The following HEATR4 variants were observed in gnomAD, a reference collection of about 807,000 sequenced individuals.
The protein encoded by HEATR4 is HEAT repeat containing 4.
Under a neutral mutation model 108.8 loss-of-function variants are expected in HEATR4, and 95 were observed. The ratio of observed to expected loss-of-function variants is 0.87; its 90% confidence interval spans 0.74 to 1.04. The LOEUF (loss-of-function observed/expected upper bound fraction) is 1.04, where lower values mean the gene tolerates loss of function less well. Among genes scored for constraint, HEATR4 ranks in the 50% least tolerant of loss-of-function variants. HEATR4 has a pLI of 0.00. For synonymous variants in HEATR4, 443 were observed against 459.4 expected, an observed-to-expected ratio of 0.96 and a Z score of 0.46; for missense variants, 1,152 against 1,253.8, an observed-to-expected ratio of 0.92 and a Z score of 1.23.
chr14:73,564,626 TAAAC>T, the HEATR4 span, among the ~76,000 whole-genome samples: 15 of 149,052 alleles, frequency 1.0e-4, no homozygotes, highest in South Asian at 2.2e-4. Context: ...AACAAACAAA[TAAAC>T]AAATACTATG....
intron 1 of HEATR4, among the ~76,000 whole-genome samples, chr14:73,558,524 T>G (rs1380363671): frequency 7.3e-6 from 1 of 137,812 alleles, no homozygotes; most frequent in Non-Finnish European, 1.6e-5. Context: ...TTTTTTTTTT[T>G]TTTTTTTTTT....
intron 17 of HEATR4, among the ~76,000 whole-genome samples, chr14:73,487,891 A>G (rs1323584519): frequency 6.6e-6 from 1 of 152,214 alleles, no homozygotes; most frequent in Non-Finnish European, 1.5e-5. Context: ...GAGAAAACAT[A>G]TAAAGGATGA....
At chr14:73,497,882 TC>T (rs1444073433) in intron 14 of HEATR4, among the ~76,000 whole-genome samples, 3 of 152,284 alleles carry the variant, frequency 2.0e-5, no homozygotes, top group Admixed American at 1.3e-4. Flanking sequence ...TGCCTCAGCC[TC>T]CCAAAGTGCT....
At chr14:73,553,591 C>T (rs1397542090) in intron 1 of HEATR4, among the ~76,000 whole-genome samples, 1 of 114,016 alleles carries the variant, frequency 8.8e-6, no homozygotes, top group Non-Finnish European at 1.9e-5. Context: ...GGAGGATACA[C>T]TTGAAGGGAA....
intron 11 of HEATR4, 120 bp downstream of exon 11, chr14:73,502,775 C>T (rs1886552688): frequency 1.4e-6 from 1 of 736,446 alleles, no homozygotes; most frequent in East Asian, 2.5e-5. Context: ...TCTCGATCTC[C>T]TGACCTCGTG....
In HEATR4 at chr14:73,499,079, G is replaced by A. The variant is rs1478430297; in HGVS notation, c.2348C>T (p.Ala783Val). ...CACTACTTCTATAATACCTCGAATG[G>A]CAAAGGCCTTGATTTTCCAGTAAGG... Reference protein sequence around the residue: ...RDPYWKIKAFAIRALGQIGQV... With the variant: ...RDPYWKIKAFVIRALGQIGQV... Residue 783 changes from alanine to valine, a missense_variant, in exon 13 of 18, where the codon GCC becomes GTC. Transcript: ENST00000553558. 6.2e-7 allele frequency: 1 copy of A among 1,613,840 alleles called. No homozygotes were observed. The highest frequency in any genetic ancestry group is 8.5e-7 in the Non-Finnish European group (1 of 1,179,850).
the HEATR4 span, chr14:73,619,735 C>G: frequency 6.2e-7 from 1 of 1,614,058 alleles, no homozygotes; most frequent in Non-Finnish European, 8.5e-7. Context: ...TGGAGGTGAG[C>G]CAAAGGCTCA....
At chr14:73,512,658 C>T (rs1158355009) in intron 6 of HEATR4, among the ~76,000 whole-genome samples, 1 of 152,174 alleles carries the variant, frequency 6.6e-6, no homozygotes, top group African/African-American at 2.4e-5. Context: ...AATGAAGGTT[C>T]AATAAATGTT....
the HEATR4 span, among the ~76,000 whole-genome samples, chr14:73,591,481 G>A: frequency 3.3e-5 from 5 of 151,942 alleles, no homozygotes; most frequent in Non-Finnish European, 5.9e-5. Flanking sequence ...AGGAGGCGGA[G>A]ATTGCAGTGA....
the HEATR4 span, among the ~76,000 whole-genome samples, chr14:73,597,718 C>T: frequency 7.9e-5 from 12 of 151,252 alleles, no homozygotes; most frequent in East Asian, 2.2e-3. Context: ...CTCAGCCTCT[C>T]GAGTAGCTGG....
upstream of HEATR4, among the ~76,000 whole-genome samples, chr14:73,560,579 A>G (rs1455700753): frequency 2.0e-5 from 3 of 150,930 alleles, no homozygotes; most frequent in Non-Finnish European, 4.4e-5. Context: ...GGAGAATGGC[A>G]TGAACCCGGG....
the HEATR4 span, among the ~76,000 whole-genome samples, chr14:73,626,205 G>A: frequency 2.6e-5 from 4 of 152,150 alleles, no homozygotes; most frequent in Non-Finnish European, 4.4e-5. Flanking sequence ...GGCCACATTG[G>A]AAGAAGAAGA....
At chr14:73,608,494 T>G in the HEATR4 span, among the ~76,000 whole-genome samples, 764 of 152,320 alleles carry the variant, frequency 5.0e-3, 6 homozygotes, top group African/African-American at 0.018. Flanking sequence ...CATATCACTA[T>G]CAGCATTTTG....
chr14:73,608,028 G>A, the HEATR4 span, among the ~76,000 whole-genome samples: 26,514 of 150,708 alleles, frequency 0.18, 3,923 homozygotes, highest in African/African-American at 0.4. Context: ...GGGTTCAAGC[G>A]ATTCGCCTGC....
the HEATR4 span, among the ~76,000 whole-genome samples, chr14:73,600,427 C>CTGG: frequency 6.6e-5 from 10 of 152,080 alleles, no homozygotes; most frequent in Non-Finnish European, 1.5e-4. Flanking sequence ...CATAGTGGAA[C>CTGG]TGGAATTATT....
chr14:73,506,945 C>T (rs1005344994), intron 9 of HEATR4, among the ~76,000 whole-genome samples: 15 of 151,442 alleles, frequency 9.9e-5, no homozygotes, highest in Admixed American at 6.6e-4. Context: ...GGATTACAGG[C>T]GCCTGCCACC....
At chr14:73,619,422 A>C in the HEATR4 span, 1 of 1,614,058 alleles carries the variant, frequency 6.2e-7, no homozygotes, top group African/African-American at 1.3e-5. Flanking sequence ...GAAAAGTAAA[A>C]ATCACTAAGT....
At chr14:73,526,294 TCC>T (rs1888331561) in intron 2 of HEATR4, among the ~76,000 whole-genome samples, 1 of 152,136 alleles carries the variant, frequency 6.6e-6, no homozygotes. Context: ...CAGACCTGAG[TCC>T]CAGCTGGTTC....
At chr14:73,625,766 G>A in the HEATR4 span, among the ~76,000 whole-genome samples, 2 of 152,178 alleles carry the variant, frequency 1.3e-5, no homozygotes, top group African/African-American at 2.4e-5. Flanking sequence ...CTTAATAAAT[G>A]TTGTGTGTGT....
Sources: gnomAD v4.1 joint callset for allele counts (sites outside exome capture counted in the v4.1 genomes callset) on GRCh38, gnomAD v4.1.1 for gene constraint, MANE v1.5 for transcripts, NCBI Gene and HGNC (gene_info 2026-07-23, HGNC 2026-07-21) for gene names.